ADGRD1: variants seen among roughly 807,000 people sequenced by gnomAD.
ADGRD1 encodes the protein G-protein coupled receptor 133.
In ADGRD1, 77 loss-of-function variants were observed where a neutral mutation model predicts 113.4. That is an observed-to-expected ratio of 0.68 (90% CI 0.57 to 0.82). The LOEUF (loss-of-function observed/expected upper bound fraction) is 0.82, where lower values mean the gene tolerates loss of function less well. Ranked by LOEUF, ADGRD1 falls within the 40% of genes least tolerant of loss-of-function variation. The pLI, the probability that ADGRD1 is intolerant of heterozygous loss-of-function variation, is 0.00. For missense variants in ADGRD1, 1,036 were observed against 1,139.1 expected, an observed-to-expected ratio of 0.91 and a Z score of 1.30; for synonymous variants, 474 against 475.0, an observed-to-expected ratio of 1.00 and a Z score of 0.03.
chr12:130,975,335 C>T (rs187569323), intron 4 of ADGRD1, among the ~76,000 whole-genome samples: 2 of 152,330 alleles, frequency 1.3e-5, no homozygotes, highest in Admixed American at 6.5e-5. Context: ...ACTTGGTCTT[C>T]AGCTCAGTGA....
At chr12:131,017,683 AACACCCAGTGCACAC>A (rs935577479) in intron 13 of ADGRD1, among the ~76,000 whole-genome samples, 3 of 109,730 alleles carry the variant, frequency 2.7e-5, no homozygotes, top group African/African-American at 1.1e-4. Flanking sequence ...CACAGACACA[AACACCCAGTGCACAC>A]ACACCCAGTG....
intron 14 of ADGRD1, among the ~76,000 whole-genome samples, chr12:131,077,195 A>G (rs908794253): frequency 6.6e-6 from 1 of 152,148 alleles, no homozygotes; most frequent in Non-Finnish European, 1.5e-5. Flanking sequence ...AGCAGGCCCT[A>G]CAGCCCTGGC....
intron 13 of ADGRD1, among the ~76,000 whole-genome samples, chr12:131,076,007 A>G (rs554235874): frequency 2.5e-4 from 38 of 152,218 alleles, no homozygotes; most frequent in Middle Eastern, 3.4e-3. Flanking sequence ...GCCTCCAACT[A>G]TGGCTCCTGA....
chr12:131,085,221 G>C (rs1442343248), intron 15 of ADGRD1, among the ~76,000 whole-genome samples: 1 of 152,202 alleles, frequency 6.6e-6, no homozygotes, highest in Non-Finnish European at 1.5e-5. Context: ...AGACAGCGGG[G>C]AGCGGGGCGT....
At chr12:131,002,250 T>C (rs1283552571) in intron 9 of ADGRD1, among the ~76,000 whole-genome samples, 1 of 152,214 alleles carries the variant, frequency 6.6e-6, no homozygotes, top group East Asian at 1.9e-4. Flanking sequence ...CAGGAAACTG[T>C]CCAGACTCAG....
Position 131,108,906 on chromosome 12 carries a change from G to A in ADGRD1, c.2041+29G>A, listed in dbSNP as rs199856008. On this transcript the variant is annotated intron_variant, in intron 18 of 24. Coordinates refer to ENST00000261654, the MANE Select transcript of ADGRD1 (RefSeq NM_198827.5). ...GGTGGGGCAGGGCAGGTGGGATGGCGGGGCGGGAGGGACAGGAAGAGACAG... is the reference window on the plus strand; with the variant it reads ...GGTGGGGCAGGGCAGGTGGGATGGCAGGGCGGGAGGGACAGGAAGAGACAG... 97 of 1,386,896 alleles carry A rather than the reference G, an allele frequency of 7.0e-5. No individual in the cohort carries two copies. The African/African-American group carries it at 7.4e-4, about 11-fold the overall frequency. The allele number at this position is 1,386,896 out of a possible 1,614,324, so 85.9% of individuals were successfully genotyped here. A position where few individuals can be genotyped will look rare whatever the true frequency, so the allele number is the denominator to read the frequency against.
chr12:131,031,673 T>TG (rs1880765649), intron 13 of ADGRD1, among the ~76,000 whole-genome samples: 1 of 152,108 alleles, frequency 6.6e-6, no homozygotes, highest in Admixed American at 6.5e-5. Context: ...CCCATTGTAC[T>TG]GGACCCCCAG....
At position 131,050,971 on chromosome 12, in the gene ADGRD1, G is replaced by C. The variant is rs1883320928; in HGVS notation, c.1474-25830G>C. Among the ~76,000 whole-genome samples, 1 of 152,318 alleles carries C rather than the reference G, an allele frequency of 6.6e-6. No homozygotes were observed. The highest frequency in any genetic ancestry group is 2.4e-5 in the African/African-American group (1 of 41,572). ...GTGCTGTGTGCCCGGTTCCTAACAG[G>C]CCACGGGCTGGTCCCGGTTCACGGC... is the stretch of plus-strand genomic sequence containing the variant. On this transcript the variant is annotated intron_variant, in intron 13 of 24. Transcript: ENST00000261654. This position sits in a 1 kb window ranked among gnomAD's most constrained non-coding sequence, Gnocchi z 4.8.
chr12:130,987,490 C>G, intron 6 of ADGRD1, 141 bp downstream of exon 6: 1 of 851,208 alleles, frequency 1.2e-6, no homozygotes, highest in Non-Finnish European at 1.8e-6. Context: ...CTTATAAACA[C>G]AGTTGTGTGT....
chr12:131,127,912 G>C (rs7314645), intron 20 of ADGRD1, among the ~76,000 whole-genome samples: 90 of 55,096 alleles, frequency 1.6e-3, no homozygotes, highest in African/African-American at 8.1e-3. Context: ...GTGTTGGTTG[G>C]GTTGGTTGTG....
chr12:131,102,716 G>A (rs1950117118), intron 15 of ADGRD1, among the ~76,000 whole-genome samples: 1 of 152,204 alleles, frequency 6.6e-6, no homozygotes, highest in South Asian at 2.1e-4. Flanking sequence ...ACCTGCTGCA[G>A]GGAAGCCCAC....
chr12:131,062,369 G>A (rs1432960332), intron 13 of ADGRD1, among the ~76,000 whole-genome samples: 2 of 152,206 alleles, frequency 1.3e-5, no homozygotes, highest in Non-Finnish European at 1.5e-5. Flanking sequence ...TACTAATAAA[G>A]CTGCTGTGAA....
intron 13 of ADGRD1, chr12:131,070,896 T>C (rs777271193): frequency 3.9e-6 from 2 of 518,806 alleles, no homozygotes; most frequent in South Asian, 2.8e-5. Context: ...GTCGGGTGAG[T>C]CTGCCATCCA....
chr12:131,005,834 G>A (rs1461650366), intron 11 of ADGRD1, 138 bp from the exon 12 acceptor site: 3 of 689,794 alleles, frequency 4.3e-6, no homozygotes, highest in African/African-American at 1.8e-5. Context: ...TTCTGCCCGA[G>A]TGTCCTTCAC....
intron 13 of ADGRD1, among the ~76,000 whole-genome samples, chr12:131,053,843 G>A (rs1481964356): frequency 6.6e-6 from 1 of 152,200 alleles, no homozygotes; most frequent in African/African-American, 2.4e-5. Context: ...GTCCAGAGCA[G>A]CACCGATAGC....
intron 20 of ADGRD1, 105 bp downstream of exon 20, chr12:131,121,018 G>A (rs2137416457): frequency 9.8e-7 from 1 of 1,016,190 alleles, no homozygotes. Context: ...AGCTTCCGAA[G>A]GATGCAGCGT....
chr12:130,954,800 AC>A lies in ADGRD1; in HGVS notation c.103+142del. The A allele has an allele frequency of 1.3e-6, 1 of 772,570 alleles. No individual in the cohort carries two copies. The highest frequency in any genetic ancestry group is 2.2e-6 in the Non-Finnish European group (1 of 454,690). The allele number at this position is 772,570 out of a possible 1,614,324, so 47.9% of individuals were successfully genotyped here. A position where few individuals can be genotyped will look rare whatever the true frequency, so the allele number is the denominator to read the frequency against. ...TCCTGGTCCCCGACCTCACTGCCTCACCACACACTGTGACCCTGGGCAGCTC... is the reference window on the plus strand; with the variant it reads ...TCCTGGTCCCCGACCTCACTGCCTCACACACACTGTGACCCTGGGCAGCTC... On this transcript the variant is annotated intron_variant, in intron 2 of 24. Transcript: ENST00000261654. This position sits in a 1 kb window ranked among gnomAD's most constrained non-coding sequence, Gnocchi z 4.7.
At chr12:131,087,534 T>C (rs1041301361) in intron 15 of ADGRD1, among the ~76,000 whole-genome samples, 37 of 151,604 alleles carry the variant, frequency 2.4e-4, no homozygotes, top group African/African-American at 8.7e-4. Context: ...GGCCGTGGGG[T>C]TTTAGAGGTT....
intron 15 of ADGRD1, among the ~76,000 whole-genome samples, chr12:131,087,173 G>A (rs1236772993): frequency 6.6e-6 from 1 of 152,242 alleles, no homozygotes; most frequent in African/African-American, 2.4e-5. Flanking sequence ...ACAAAGTGCT[G>A]GGATTACAGG....
Sources: allele counts gnomAD v4.1 joint callset (sites outside exome capture counted in the v4.1 genomes callset), GRCh38; gene constraint gnomAD v4.1.1; non-coding constraint Gnocchi (gnomAD v3.1); transcripts MANE v1.5; gene names NCBI Gene and HGNC (gene_info 2026-07-23, HGNC 2026-07-21).